GRK3: variants seen among roughly 807,000 people sequenced by gnomAD.
The protein encoded by GRK3 is adrenergic, beta, receptor kinase 2.
A neutral mutation model predicts 95.7 loss-of-function variants in GRK3; 54 were observed. That is an observed-to-expected ratio of 0.56 (90% CI 0.45 to 0.71). The LOEUF (loss-of-function observed/expected upper bound fraction) is 0.71. Ranked by LOEUF, GRK3 falls within the 30% of genes least tolerant of loss-of-function variation. GRK3 has a pLI of 0.00. For synonymous variants in GRK3, 281 were observed against 290.8 expected (o/e 0.97, Z 0.34); for missense variants, 649 against 851.2 (o/e 0.76, Z 2.96).
In GRK3 at chr22:25,726,692, T is replaced by C. The variant is rs1470388747; in HGVS notation, c.*4242T>C. 2 of 152,194 alleles carry C rather than the reference T, an allele frequency of 1.3e-5. No homozygotes were observed. The highest frequency in any genetic ancestry group is 2.9e-5 in the Non-Finnish European group (2 of 68,024). The allele number at this position is 152,194 out of a possible 1,614,324, so 9.4% of individuals were successfully genotyped here. On this transcript the variant is annotated 3_prime_UTR_variant, in exon 21 of 21. Coordinates refer to ENST00000324198, the MANE Select transcript of GRK3 (RefSeq NM_005160.4). ...GAGTTAAAATAGGTGAAGTTTCTTT[T>C]TTCCCCCCTGTAACAGGAGAGTTTT...
intron 17 of GRK3, 103 bp downstream of exon 17, chr22:25,711,266 A>G: frequency 1.6e-6 from 1 of 635,802 alleles, no homozygotes; most frequent in East Asian, 2.9e-5. Flanking sequence ...TGTTTATAGT[A>G]TTTAACTTAC....
At chr22:25,615,292 A>G (rs563072829) in intron 2 of GRK3, among the ~76,000 whole-genome samples, 1 of 152,264 alleles carries the variant, frequency 6.6e-6, no homozygotes, top group Non-Finnish European at 1.5e-5. Context: ...CCAAGGACCT[A>G]TGAAACAGCA....
At chr22:25,688,959 C>G (rs984746324) in intron 11 of GRK3, among the ~76,000 whole-genome samples, 15 of 152,364 alleles carry the variant, frequency 9.8e-5, no homozygotes, top group African/African-American at 3.6e-4. Flanking sequence ...AATGAACCCA[C>G]AGTGGCCAAC....
intron 15 of GRK3, among the ~76,000 whole-genome samples, chr22:25,706,867 G>A (rs568467922): frequency 2.0e-4 from 31 of 152,270 alleles, no homozygotes; most frequent in African/African-American, 7.5e-4. Flanking sequence ...CTGTCACCCA[G>A]ACTGGAGTGC....
intron 3 of GRK3, among the ~76,000 whole-genome samples, chr22:25,647,948 T>C (rs1356308244): frequency 6.8e-6 from 1 of 147,084 alleles, no homozygotes; most frequent in Admixed American, 6.8e-5. Context: ...CCATCTCTAC[T>C]AAAAAAAAAA....
chr22:25,662,014 A>G (rs572437925), intron 4 of GRK3, among the ~76,000 whole-genome samples: 1 of 152,364 alleles, frequency 6.6e-6, no homozygotes, highest in Admixed American at 6.5e-5. Flanking sequence ...ATACTTTAAC[A>G]ATTAAGCTAA....
At chr22:25,622,415 A>G (rs1194454697) in intron 2 of GRK3, among the ~76,000 whole-genome samples, 1 of 152,104 alleles carries the variant, frequency 6.6e-6, no homozygotes, top group African/African-American at 2.4e-5. Flanking sequence ...GCGCTTACAT[A>G]GGTTAGTTGT....
intron 1 of GRK3, among the ~76,000 whole-genome samples, chr22:25,586,314 G>A (rs1319455049): frequency 1.3e-5 from 2 of 152,404 alleles, no homozygotes; most frequent in South Asian, 4.1e-4. Context: ...TAACACAACA[G>A]AGTGACTATA....
intron 1 of GRK3, among the ~76,000 whole-genome samples, chr22:25,575,492 T>A (rs568269225): frequency 2.0e-5 from 3 of 152,288 alleles, no homozygotes; most frequent in African/African-American, 7.2e-5. Context: ...TTGCTGGACT[T>A]CTCTTCTAGA....
intron 15 of GRK3, among the ~76,000 whole-genome samples, chr22:25,709,606 G>T (rs996279825): frequency 1.3e-5 from 2 of 152,066 alleles, no homozygotes; most frequent in African/African-American, 2.4e-5. Context: ...TTGTGTGTGT[G>T]TGTGTGTGCG....
chr22:25,666,898 A>G (rs2146407116), intron 5 of GRK3, among the ~76,000 whole-genome samples: 1 of 152,276 alleles, frequency 6.6e-6, no homozygotes, highest in East Asian at 1.9e-4. Flanking sequence ...TTGTCTCTTT[A>G]TATTTTTATA....
At chr22:25,582,718 T>C (rs1476233368) in intron 1 of GRK3, among the ~76,000 whole-genome samples, 1 of 152,106 alleles carries the variant, frequency 6.6e-6, no homozygotes, top group Non-Finnish European at 1.5e-5. Context: ...GCATTTCGAG[T>C]GGAGGAGGAA....
Position 25,614,878 on chromosome 22 carries a change from T to A in GRK3, c.190+10425T>A, listed in dbSNP as rs139230297. 4.1e-3 allele frequency among the ~76,000 whole-genome samples: 624 copies of A among 152,320 alleles called. 5 individuals are homozygous for A. Among genetic ancestry groups the A allele is most frequent in the African/African-American group, 0.014 (601 of 41,574 alleles). On this transcript the variant is annotated intron_variant, in intron 2 of 20. Coordinates refer to ENST00000324198, the MANE Select transcript of GRK3 (RefSeq NM_005160.4). Reference sequence around the variant, plus strand: ...TTGAGTCCTTCACTGGGAATGTCTCTTTAAACAAAAAGGCACATGGAGAAG... The same window carrying A: ...TTGAGTCCTTCACTGGGAATGTCTCATTAAACAAAAAGGCACATGGAGAAG...
chr22:25,683,738 T>G (rs1399433387), intron 9 of GRK3, among the ~76,000 whole-genome samples: 1 of 152,190 alleles, frequency 6.6e-6, no homozygotes, highest in African/African-American at 2.4e-5. Flanking sequence ...TTTAAGTTGA[T>G]TTTTTAAAGT....
intron 7 of GRK3, among the ~76,000 whole-genome samples, chr22:25,673,230 T>A (rs563943371): frequency 1.4e-4 from 22 of 152,060 alleles, no homozygotes; most frequent in Admixed American, 8.5e-4. Flanking sequence ...CCCGGCTAAT[T>A]TTTTGTATTT....
At chr22:25,624,581 A>C in intron 2 of GRK3, among the ~76,000 whole-genome samples, 1 of 151,486 alleles carries the variant, frequency 6.6e-6, no homozygotes, top group East Asian at 1.9e-4. Context: ...AAAAACAAAA[A>C]CAAAAAACCC....
rs989429090 is a variant in GRK3, at chr22:25,725,627, G to A, written c.*3177G>A. ...GCCTCTGATTGGTCCATTCACTGAC[G>A]TGACAATTTCAGGTCCTATGTTTAA... is the stretch of plus-strand genomic sequence containing the variant. On this transcript the variant is annotated 3_prime_UTR_variant, in exon 21 of 21. Transcript: ENST00000324198. 12 of 398,348 alleles carry A rather than the reference G, an allele frequency of 3.0e-5. No homozygotes were observed. The Admixed American group carries it at 3.5e-4, about 12-fold the overall frequency. The allele number at this position is 398,348 out of a possible 1,614,324, so 24.7% of individuals were successfully genotyped here. A position where few individuals can be genotyped will look rare whatever the true frequency, so the allele number is the denominator to read the frequency against.
chr22:25,668,957 A>C, intron 6 of GRK3, among the ~76,000 whole-genome samples: 1 of 152,334 alleles, frequency 6.6e-6, no homozygotes, highest in Middle Eastern at 3.4e-3. Context: ...TCATAGCCTC[A>C]CAGTAAATGC....
At chr22:25,716,631 T>G (rs774333649) in intron 18 of GRK3, among the ~76,000 whole-genome samples, 18 of 151,848 alleles carry the variant, frequency 1.2e-4, no homozygotes, top group Non-Finnish European at 2.4e-4. Flanking sequence ...AAAAAAAAAT[T>G]ATAATAAAGT....
Sources: allele counts gnomAD v4.1 joint callset (sites outside exome capture counted in the v4.1 genomes callset), GRCh38; gene constraint gnomAD v4.1.1; transcripts MANE v1.5; gene names NCBI Gene and HGNC (gene_info 2026-07-23, HGNC 2026-07-21).